The following TEX29 variants were observed in gnomAD, a reference collection of about 807,000 sequenced individuals.
TEX29 encodes testis expressed 29.
TEX29 carries 26 observed loss-of-function variants against 18.2 expected under a neutral mutation model. The ratio of observed to expected loss-of-function variants is 1.43; its 90% CI spans 1.04 to 1.98. The LOEUF (loss-of-function observed/expected upper bound fraction) is 1.98. Among genes scored for constraint, TEX29 ranks in the 30% most tolerant of loss-of-function variants. TEX29 has a pLI of 0.00. For missense variants in TEX29, 177 were observed against 194.2 expected, an observed-to-expected ratio of 0.91 and a Z score of 0.53; for synonymous variants, 83 against 78.5, an observed-to-expected ratio of 1.06 and a Z score of -0.31.
chr13:111,318,747 G>A (rs1198416633), upstream of TEX29, among the ~76,000 whole-genome samples: 1 of 152,208 alleles, frequency 6.6e-6, no homozygotes, highest in African/African-American at 2.4e-5. Flanking sequence ...GAGCCTGCAC[G>A]CAATGCTGGT....
intron 2 of TEX29, among the ~76,000 whole-genome samples, chr13:111,321,910 C>T (rs777343927): frequency 1.8e-4 from 27 of 152,146 alleles, no homozygotes; most frequent in South Asian, 1.7e-3. Context: ...GGCGACAAAG[C>T]GAGACTCCGC....
chr13:111,335,673 T>C (rs930463229), intron 3 of TEX29, among the ~76,000 whole-genome samples: 1 of 152,244 alleles, frequency 6.6e-6, no homozygotes, highest in African/African-American at 2.4e-5. Context: ...AAGTGTACCA[T>C]GTAAGGCTCC....
At chr13:111,326,751 C>T (rs1465269725) in intron 2 of TEX29, among the ~76,000 whole-genome samples, 6 of 151,186 alleles carry the variant, frequency 4.0e-5, no homozygotes, top group South Asian at 4.2e-4. Flanking sequence ...CTGGCGCTGG[C>T]GGGTGTTTGC....
At position 111,340,013 on chromosome 13, in the gene TEX29, C is replaced by T. The variant is rs551594329; in HGVS notation, c.239+81C>T. Reference sequence around the variant, plus strand: ...GGCCGCAGCTTCCTGCCTGCCTGGGCTCCTTCGGGCTTGGTGCTGCTGGGG... The same window carrying T: ...GGCCGCAGCTTCCTGCCTGCCTGGGTTCCTTCGGGCTTGGTGCTGCTGGGG... On this transcript the variant is annotated intron_variant, in intron 4 of 5. Transcript: ENST00000283547. 705 of 1,362,298 alleles carry T rather than the reference C, an allele frequency of 5.2e-4. 1 individual carries two copies. The highest frequency in any genetic ancestry group is 6.9e-4 in the Non-Finnish European group (657 of 953,264). 84.4% of individuals were successfully genotyped at this position (1,362,298 alleles called of 1,614,324 possible).
chr13:111,316,784 G>A (rs2093655345), upstream of TEX29, among the ~76,000 whole-genome samples: 1 of 152,182 alleles, frequency 6.6e-6, no homozygotes, highest in African/African-American at 2.4e-5. Context: ...CTGCTATAAA[G>A]ATACTACCTG....
intron 2 of TEX29, among the ~76,000 whole-genome samples, chr13:111,325,585 G>T (rs1053693898): frequency 2.6e-5 from 4 of 152,222 alleles, no homozygotes; most frequent in African/African-American, 9.6e-5. Flanking sequence ...GGTTGTGGAG[G>T]AGGGTGGAGG....
At chr13:111,317,416 G>A (rs113740411), upstream of TEX29, among the ~76,000 whole-genome samples, 24 of 152,238 alleles carry the variant, frequency 1.6e-4, no homozygotes, top group East Asian at 5.8e-4. Context: ...CTGAGATGGC[G>A]TTGCCCTCTG....
intron 2 of TEX29, among the ~76,000 whole-genome samples, chr13:111,325,431 G>C (rs905690961): frequency 6.6e-6 from 1 of 152,224 alleles, no homozygotes; most frequent in African/African-American, 2.4e-5. Context: ...CGAGCTGCCA[G>C]TGATGTTTCT....
chr13:111,335,124 T>A (rs530597601), intron 3 of TEX29, among the ~76,000 whole-genome samples: 6 of 152,342 alleles, frequency 3.9e-5, no homozygotes, highest in African/African-American at 1.4e-4. Context: ...ATTGTTTTTA[T>A]GGAGGAAGAA....
upstream of TEX29, among the ~76,000 whole-genome samples, chr13:111,317,367 G>A (rs750370548): frequency 6.6e-6 from 1 of 152,096 alleles, no homozygotes; most frequent in Non-Finnish European, 1.5e-5. Context: ...TGTCTTGTGT[G>A]GTTGGCAGCA....
At chr13:111,328,073 C>G in intron 2 of TEX29, 110 bp from the exon 3 acceptor site, 1 of 662,142 alleles carries the variant, frequency 1.5e-6, no homozygotes, top group Admixed American at 2.7e-5. Context: ...ATAACAAAAC[C>G]ACAACACAAA....
chr13:111,330,735 TC>T (rs1314096538), intron 3 of TEX29, among the ~76,000 whole-genome samples: 1 of 152,284 alleles, frequency 6.6e-6, no homozygotes, highest in African/African-American at 2.4e-5. Context: ...GTCCTATCCT[TC>T]CCTCTCTCTG....
intron 3 of TEX29, 125 bp downstream of exon 3, chr13:111,328,418 C>T (rs954167542): frequency 3.0e-6 from 2 of 673,934 alleles, no homozygotes; most frequent in East Asian, 5.5e-5. Flanking sequence ...GTATTGTTCT[C>T]TGGCCAACTC....
chr13:111,324,484 A>T (rs1282316838), intron 2 of TEX29, among the ~76,000 whole-genome samples: 1 of 152,040 alleles, frequency 6.6e-6, no homozygotes, highest in African/African-American at 2.4e-5. Context: ...CTGCTAATTG[A>T]CTGCTTCATC....
intron 3 of TEX29, chr13:111,339,341 C>G: frequency 4.4e-6 from 2 of 454,988 alleles, no homozygotes; most frequent in Non-Finnish European, 8.8e-6. Context: ...TTCCAGGGAG[C>G]TGGGGAGCAC....
At chr13:111,322,051 G>C (rs2093665536) in intron 2 of TEX29, among the ~76,000 whole-genome samples, 1 of 136,170 alleles carries the variant, frequency 7.3e-6, no homozygotes. Context: ...CAGCCACTGA[G>C]CACCTGCCCA....
chr13:111,343,942 C>T (rs556650354), intron 5 of TEX29, 141 bp from the exon 6 acceptor site: 8 of 701,856 alleles, frequency 1.1e-5, no homozygotes, highest in South Asian at 3.5e-5. Flanking sequence ...TAGGAGGATA[C>T]GGCCATCCCC....
intron 3 of TEX29, 105 bp from the exon 4 acceptor site, chr13:111,339,758 C>T (rs1023244822): frequency 2.7e-5 from 31 of 1,129,418 alleles, no homozygotes; most frequent in Middle Eastern, 2.0e-4. Context: ...TGGGCAGCCG[C>T]GCCGGGAGGG....
intron 2 of TEX29, 71 bp from the exon 3 acceptor site, chr13:111,328,112 A>T (rs985388040): frequency 5.0e-6 from 5 of 1,002,988 alleles, no homozygotes; most frequent in East Asian, 4.8e-5. Context: ...ACCGGTTCCC[A>T]GGTTCTTTAG....
Sources: gnomAD v4.1 joint callset for allele counts (sites outside exome capture counted in the v4.1 genomes callset) on GRCh38, gnomAD v4.1.1 for gene constraint, MANE v1.5 for transcripts, NCBI Gene and HGNC (gene_info 2026-07-23, HGNC 2026-07-21) for gene names.